Variants in GNA14 observed in about 807,000 individuals in gnomAD.
GNA14 encodes G protein subunit alpha 14, also known as guanine nucleotide-binding protein subunit alpha-14.
A neutral mutation model predicts 42.0 loss-of-function variants in GNA14; 50 were observed. That is an observed-to-expected ratio of 1.19 (90% CI 0.95 to 1.51). The LOEUF is 1.51. Among genes scored for constraint, GNA14 ranks in the 40% most tolerant of loss-of-function variants. The pLI, the probability that GNA14 is intolerant of heterozygous loss-of-function variation, is 0.00. For missense variants in GNA14, 473 were observed against 446.2 expected (o/e 1.06, Z -0.54); for synonymous variants, 173 against 163.1 (o/e 1.06, Z -0.46).
intron 2 of GNA14, among the ~76,000 whole-genome samples, chr9:77,487,257 G>A (rs1312589996): frequency 1.3e-5 from 2 of 152,106 alleles, no homozygotes; most frequent in East Asian, 1.9e-4. Flanking sequence ...ATTTAAAGTC[G>A]TTTCTTTCTG....
intron 2 of GNA14, among the ~76,000 whole-genome samples, chr9:77,490,081 G>C (rs147467765): frequency 1.4e-4 from 21 of 149,064 alleles, no homozygotes; most frequent in Non-Finnish European, 3.1e-4. Context: ...ACAGAGTGTC[G>C]ATTGGTGCAC....
intron 1 of GNA14, among the ~76,000 whole-genome samples, chr9:77,556,234 A>G (rs1822778342): frequency 6.6e-6 from 1 of 152,102 alleles, no homozygotes; most frequent in African/African-American, 2.4e-5. Context: ...ACAATGTGAG[A>G]CTCCATTTCA....
intron 1 of GNA14, among the ~76,000 whole-genome samples, chr9:77,575,307 G>A (rs1490421759): frequency 6.6e-6 from 1 of 152,156 alleles, no homozygotes; most frequent in East Asian, 1.9e-4. Flanking sequence ...GCTTGAACCT[G>A]GAAGGCGGAC....
chr9:77,575,651 G>A (rs1301701675), intron 1 of GNA14, among the ~76,000 whole-genome samples: 1 of 152,138 alleles, frequency 6.6e-6, no homozygotes, highest in Non-Finnish European at 1.5e-5. Context: ...AACAAGCTGG[G>A]TAATTCTTAA....
chr9:77,621,556 C>A (rs888679324), intron 1 of GNA14, among the ~76,000 whole-genome samples: 15 of 151,772 alleles, frequency 9.9e-5, no homozygotes, highest in African/African-American at 3.2e-4. Context: ...TAAAACAAAC[C>A]AAAACCTCTT....
chr9:77,469,712 C>T (rs549539299), intron 2 of GNA14, among the ~76,000 whole-genome samples: 1 of 152,296 alleles, frequency 6.6e-6, no homozygotes, highest in African/African-American at 2.4e-5. Context: ...GAAAGCTCTG[C>T]TGCAGACCAG....
intron 2 of GNA14, among the ~76,000 whole-genome samples, chr9:77,486,579 C>G (rs1337086934): frequency 3.9e-5 from 6 of 152,226 alleles, no homozygotes; most frequent in Non-Finnish European, 7.3e-5. Flanking sequence ...GCCTTCCTCA[C>G]TAAGCTTAAT....
intron 2 of GNA14, among the ~76,000 whole-genome samples, chr9:77,481,596 G>A (rs572562805): frequency 4.7e-4 from 71 of 152,148 alleles, no homozygotes; most frequent in African/African-American, 1.6e-3. Context: ...TCAATTCCTG[G>A]GTATCCTTGT....
At position 77,601,602 on chromosome 9, in the gene GNA14, G is replaced by T. The variant is rs552354569; in HGVS notation, c.124+46068C>A. On this transcript the variant is annotated intron_variant, in intron 1 of 6. Transcript: ENST00000341700. ...AGGAGTAGGTAGCTCTCCTGAAACA[G>T]GAAATGGAATGAAAATCAAGTGAGT... is the stretch of plus-strand genomic sequence containing the variant. 3.3e-5 allele frequency among the ~76,000 whole-genome samples: 5 copies of T among 152,300 alleles called. No homozygotes were observed. In the South Asian group the frequency reaches 1.0e-3, roughly 32 times the overall value.
intron 2 of GNA14, among the ~76,000 whole-genome samples, chr9:77,447,124 G>T (rs10115991): frequency 0.18 from 27,743 of 151,796 alleles, 2,740 homozygotes; most frequent in East Asian, 0.37. Context: ...CCACCACGCC[G>T]AGTAGAGATG....
chr9:77,588,991 CTG>C (rs1207230527), intron 1 of GNA14, among the ~76,000 whole-genome samples: 1 of 152,190 alleles, frequency 6.6e-6, no homozygotes, highest in Non-Finnish European at 1.5e-5. Context: ...CTAAAAAGAA[CTG>C]TTTGTTTGCT....
chr9:77,473,962 G>T (rs983913631), intron 2 of GNA14, among the ~76,000 whole-genome samples: 1 of 152,098 alleles, frequency 6.6e-6, no homozygotes, highest in African/African-American at 2.4e-5. Flanking sequence ...ACATGCAAAA[G>T]AATGAAACTG....
At chr9:77,433,935 G>T (rs932957420) in intron 3 of GNA14, among the ~76,000 whole-genome samples, 1 of 152,188 alleles carries the variant, frequency 6.6e-6, no homozygotes, top group African/African-American at 2.4e-5. Context: ...TTAGATTTTA[G>T]CGCAATTGGA....
chr9:77,511,054 CAA>C (rs11307052), intron 2 of GNA14, among the ~76,000 whole-genome samples: 30,016 of 137,734 alleles, frequency 0.22, 3,237 homozygotes, highest in East Asian at 0.41. Flanking sequence ...TTTCCCATTC[CAA>C]AAAAAAAAAA....
intron 2 of GNA14, among the ~76,000 whole-genome samples, chr9:77,476,167 G>C (rs1836418440): frequency 6.6e-6 from 1 of 152,182 alleles, no homozygotes; most frequent in African/African-American, 2.4e-5. Flanking sequence ...AGAAATGAAA[G>C]AATCTAGTCC....
chr9:77,515,940 C>T (rs986520916), intron 2 of GNA14, among the ~76,000 whole-genome samples: 1 of 128,274 alleles, frequency 7.8e-6, no homozygotes, highest in East Asian at 2.4e-4. Context: ...ACCCAGGCAA[C>T]GCAGCAAGAC....
chr9:77,474,325 T>C (rs1255497359), intron 2 of GNA14, among the ~76,000 whole-genome samples: 3 of 152,178 alleles, frequency 2.0e-5, no homozygotes, highest in African/African-American at 7.2e-5. Context: ...AAGAATGCAA[T>C]TTTAAAATGA....
intron 2 of GNA14, among the ~76,000 whole-genome samples, chr9:77,473,413 G>A (rs1406705247): frequency 6.6e-6 from 1 of 152,110 alleles, no homozygotes; most frequent in African/African-American, 2.4e-5. Context: ...TCAAGATCAT[G>A]CCACTGCACT....
intron 2 of GNA14, among the ~76,000 whole-genome samples, chr9:77,484,144 G>T (rs1188083128): frequency 1.3e-5 from 2 of 152,304 alleles, no homozygotes; most frequent in African/African-American, 2.4e-5. Flanking sequence ...CAGTAAAGAG[G>T]TAAAGGGAAG....
Sources: allele counts gnomAD v4.1 joint callset (sites outside exome capture counted in the v4.1 genomes callset), GRCh38; gene constraint gnomAD v4.1.1; transcripts MANE v1.5; gene names NCBI Gene and HGNC (gene_info 2026-07-23, HGNC 2026-07-21).